Variants in AUH observed in about 807,000 individuals in gnomAD.
AUH encodes AU RNA binding methylglutaconyl-CoA hydratase.
Under a neutral mutation model 42.3 loss-of-function variants are expected in AUH, and 29 were observed. The ratio of observed to expected loss-of-function variants is 0.69; its 90% CI spans 0.51 to 0.93. The LOEUF (loss-of-function observed/expected upper bound fraction) is 0.93. AUH is among the 40% of genes least tolerant of loss of function. The probability of loss-of-function intolerance (pLI) is 0.00; values close to 1 mark genes in which losing one functional copy is unlikely to be tolerated. For synonymous variants in AUH, 174 were observed against 166.4 expected (o/e 1.05, Z -0.35); for missense variants, 452 against 438.1 (o/e 1.03, Z -0.28).
chr9:91,309,208 A>G (rs760224529), intron 4 of AUH, among the ~76,000 whole-genome samples: 1 of 151,890 alleles, frequency 6.6e-6, no homozygotes, highest in African/African-American at 2.4e-5. Flanking sequence ...GGTCAGGAGC[A>G]CCAACCCATG....
chr9:91,350,314 C>A (rs74819598), intron 3 of AUH, among the ~76,000 whole-genome samples: 3,004 of 152,288 alleles, frequency 0.02, 85 homozygotes, highest in African/African-American at 0.06. Flanking sequence ...AAACCACAGT[C>A]TAAGAGAAAA....
chr9:91,350,884 C>A (rs1831918963), intron 3 of AUH, among the ~76,000 whole-genome samples: 2 of 151,992 alleles, frequency 1.3e-5, no homozygotes, highest in South Asian at 4.1e-4. Context: ...ATTTACTTTG[C>A]ATATATTTGC....
chr9:91,264,127 T>C (rs569990734), intron 6 of AUH, among the ~76,000 whole-genome samples: 6 of 152,236 alleles, frequency 3.9e-5, no homozygotes, highest in African/African-American at 1.2e-4. Flanking sequence ...TACACACACA[T>C]ATATGTGTTA....
chr9:91,315,608 G>GA (rs896813102), intron 4 of AUH, among the ~76,000 whole-genome samples: 74 of 149,558 alleles, frequency 4.9e-4, no homozygotes, highest in African/African-American at 1.2e-3. Context: ...CAGTAAGAAA[G>GA]AAAAAAAAAT....
intron 3 of AUH, among the ~76,000 whole-genome samples, chr9:91,327,077 C>G (rs1028785555): frequency 6.6e-6 from 1 of 152,148 alleles, no homozygotes; most frequent in African/African-American, 2.4e-5. Flanking sequence ...TCCCTCTCCA[C>G]GAATCTTAAA....
At chr9:91,328,113 G>A (rs1830084476) in intron 3 of AUH, among the ~76,000 whole-genome samples, 1 of 152,166 alleles carries the variant, frequency 6.6e-6, no homozygotes, top group African/African-American at 2.4e-5. Flanking sequence ...AAGGAATCCT[G>A]TAACATCATG....
chr9:91,266,987 G>A (rs1830010652), intron 6 of AUH, among the ~76,000 whole-genome samples: 1 of 152,192 alleles, frequency 6.6e-6, no homozygotes, highest in Non-Finnish European at 1.5e-5. Flanking sequence ...AGTCTGAGAA[G>A]CACAAAGCTA....
At chr9:91,259,291 A>G (rs1829577886) in intron 6 of AUH, among the ~76,000 whole-genome samples, 1 of 152,186 alleles carries the variant, frequency 6.6e-6, no homozygotes, top group Non-Finnish European at 1.5e-5. Context: ...GTTTCTCATA[A>G]TATTCTCTTT....
At chr9:91,329,956 C>T (rs1233138718) in intron 3 of AUH, among the ~76,000 whole-genome samples, 3 of 152,028 alleles carry the variant, frequency 2.0e-5, no homozygotes, top group Non-Finnish European at 2.9e-5. Flanking sequence ...AAGGGTGTTC[C>T]CTAACACTTT....
At chr9:91,326,255 G>A (rs1469963658) in intron 3 of AUH, among the ~76,000 whole-genome samples, 1 of 152,070 alleles carries the variant, frequency 6.6e-6, no homozygotes. Context: ...TAAGGGCTAG[G>A]GCAGGGGCAT....
chr9:91,273,091 C>T (rs575363129), intron 6 of AUH, among the ~76,000 whole-genome samples: 2 of 152,196 alleles, frequency 1.3e-5, no homozygotes, highest in East Asian at 1.9e-4. Context: ...ACCAGGAATG[C>T]TGAAGAATTA....
chr9:91,285,389 A>G (rs1826320676), intron 6 of AUH, among the ~76,000 whole-genome samples: 3 of 152,054 alleles, frequency 2.0e-5, no homozygotes, highest in Non-Finnish European at 4.4e-5. Flanking sequence ...CAGCACACCA[A>G]CATGGCACAT....
rs183096965 is a variant in AUH, at chr9:91,313,910, G to T, written c.505+11408C>A. On this transcript the variant is annotated intron_variant, in intron 4 of 9. Coordinates refer to ENST00000375731, the MANE Select transcript of AUH (RefSeq NM_001698.3). ...ACGATCTCGGCTCATTGCAACCTCC[G>T]CCTCCTAAGTTCAAGTGATGCTCGT... Among the ~76,000 whole-genome samples the T allele has an allele frequency of 2.1e-5, 3 of 145,892 alleles. No individual in the cohort carries two copies. In the Admixed American group the frequency reaches 2.1e-4, roughly 10 times the overall value.
At chr9:91,339,933 G>A (rs1363278562) in intron 3 of AUH, among the ~76,000 whole-genome samples, 2 of 152,200 alleles carry the variant, frequency 1.3e-5, no homozygotes, top group Non-Finnish European at 2.9e-5. Flanking sequence ...CAGGGAGGCT[G>A]AGGTGGCTGG....
intron 3 of AUH, among the ~76,000 whole-genome samples, chr9:91,326,420 C>CA (rs1319345387): frequency 1.3e-5 from 2 of 151,398 alleles, no homozygotes; most frequent in East Asian, 1.9e-4. Flanking sequence ...CAAAGACTAG[C>CA]AAAAAAATGG....
At chr9:91,230,538 CCTT>C (rs1430596288) in intron 6 of AUH, among the ~76,000 whole-genome samples, 1 of 152,184 alleles carries the variant, frequency 6.6e-6, no homozygotes, top group Non-Finnish European at 1.5e-5. Context: ...TCGTCTGAAG[CCTT>C]CTTCTCTCAG....
At chr9:91,223,827 GA>G (rs939853306) in intron 6 of AUH, among the ~76,000 whole-genome samples, 5 of 152,010 alleles carry the variant, frequency 3.3e-5, no homozygotes, top group Non-Finnish European at 7.4e-5. Context: ...GATAAACAAA[GA>G]AATTGACCCT....
chr9:91,271,335 G>C (rs1351681142), intron 6 of AUH, among the ~76,000 whole-genome samples: 8 of 152,210 alleles, frequency 5.3e-5, no homozygotes, highest in Non-Finnish European at 1.2e-4. Flanking sequence ...ACATGCAGCT[G>C]GTGTCAACCT....
At chr9:91,283,592 C>G (rs1471240559) in intron 6 of AUH, among the ~76,000 whole-genome samples, 6 of 152,192 alleles carry the variant, frequency 3.9e-5, no homozygotes, top group African/African-American at 1.2e-4. Context: ...TCTCCTTAAG[C>G]TGATAAGCAA....
Sources: gnomAD v4.1 joint callset for allele counts (sites outside exome capture counted in the v4.1 genomes callset) on GRCh38, gnomAD v4.1.1 for gene constraint, MANE v1.5 for transcripts, NCBI Gene and HGNC (gene_info 2026-07-23, HGNC 2026-07-21) for gene names.